The following TMEM108 variants were observed in gnomAD, a reference collection of about 807,000 sequenced individuals.
TMEM108 encodes the protein cancer/testis antigen 124.
A neutral mutation model predicts 35.1 loss-of-function variants in TMEM108; 12 were observed. The observed-to-expected ratio is 0.34, with a 90% CI of 0.22 to 0.55. The LOEUF (loss-of-function observed/expected upper bound fraction) is 0.55. TMEM108 is among the 20% of genes least tolerant of loss of function. TMEM108 has a pLI of 0.89. For synonymous variants in TMEM108, 287 were observed against 308.6 expected (o/e 0.93, Z 0.73); for missense variants, 680 against 753.3 (o/e 0.90, Z 1.14).
intron 2 of TMEM108, among the ~76,000 whole-genome samples, chr3:133,102,469 T>C (rs1459791578): frequency 6.6e-6 from 1 of 152,214 alleles, no homozygotes; most frequent in Admixed American, 6.5e-5. Flanking sequence ...AGCTAGCTGC[T>C]GCTCCTGTGT....
Position 133,371,314 on chromosome 3 carries a change from C to T in TMEM108, c.41-8438C>T, listed in dbSNP as rs1390724462. Reference sequence around the variant, plus strand: ...CACTTGTCTCTGCTCTCCCCAGACTCAGCTGCATGGGCTGAGTCTAAGTCA... The same window carrying T: ...CACTTGTCTCTGCTCTCCCCAGACTTAGCTGCATGGGCTGAGTCTAAGTCA... On this transcript the variant is annotated intron_variant, in intron 3 of 5. Coordinates refer to ENST00000321871, the MANE Select transcript of TMEM108 (RefSeq NM_023943.4). Among the ~76,000 whole-genome samples, 4 of 152,174 alleles carry T rather than the reference C, an allele frequency of 2.6e-5. No homozygotes were observed. In the South Asian group the frequency reaches 8.3e-4, roughly 31 times the overall value.
At chr3:133,301,031 C>G (rs1947218217) in intron 3 of TMEM108, among the ~76,000 whole-genome samples, 2 of 79,044 alleles carry the variant, frequency 2.5e-5, no homozygotes, top group South Asian at 8.5e-4. Flanking sequence ...CACACACACA[C>G]ACACAAGTTC....
intron 3 of TMEM108, among the ~76,000 whole-genome samples, chr3:133,239,148 C>T (rs1946278731): frequency 6.6e-6 from 1 of 152,162 alleles, no homozygotes; most frequent in African/African-American, 2.4e-5. Flanking sequence ...GTGTCCCCCA[C>T]CCCTTACAAA....
At chr3:133,204,792 A>G (rs896316027) in intron 2 of TMEM108, among the ~76,000 whole-genome samples, 1 of 152,162 alleles carries the variant, frequency 6.6e-6, no homozygotes, top group Non-Finnish European at 1.5e-5. Context: ...TTTGGGGTGG[A>G]GAGTTCTGTA....
chr3:133,043,932 G>A (rs1447070766), intron 1 of TMEM108, among the ~76,000 whole-genome samples: 2 of 152,078 alleles, frequency 1.3e-5, no homozygotes, highest in East Asian at 1.9e-4. Context: ...TGTATGTATT[G>A]GAAATAAAAA....
chr3:133,178,632 T>G (rs985398033), intron 2 of TMEM108, among the ~76,000 whole-genome samples: 5 of 152,200 alleles, frequency 3.3e-5, no homozygotes, highest in African/African-American at 1.2e-4. Context: ...CTGGATCCCT[T>G]CCTTACACCT....
chr3:133,129,097 C>G (rs946077729), intron 2 of TMEM108, among the ~76,000 whole-genome samples: 3 of 152,144 alleles, frequency 2.0e-5, no homozygotes, highest in Non-Finnish European at 4.4e-5. Flanking sequence ...GTAATTCCAG[C>G]ACTTTGGGAG....
At chr3:133,175,867 A>G (rs1945215835) in intron 2 of TMEM108, among the ~76,000 whole-genome samples, 3 of 152,244 alleles carry the variant, frequency 2.0e-5, no homozygotes, top group South Asian at 4.1e-4. Context: ...ATTAAAAGAC[A>G]CAGACTGGCA....
chr3:133,358,838 A>T (rs1422021172), intron 3 of TMEM108, among the ~76,000 whole-genome samples: 1 of 152,056 alleles, frequency 6.6e-6, no homozygotes, highest in Non-Finnish European at 1.5e-5. Flanking sequence ...GTGGCAGATT[A>T]GTTGGGGTGG....
chr3:133,271,335 C>T (rs778124363), intron 3 of TMEM108, among the ~76,000 whole-genome samples: 26 of 152,178 alleles, frequency 1.7e-4, no homozygotes, highest in Non-Finnish European at 3.5e-4. Flanking sequence ...GAAACAACCA[C>T]AACACATTTG....
intron 2 of TMEM108, among the ~76,000 whole-genome samples, chr3:133,183,573 G>A (rs1395368833): frequency 6.6e-6 from 1 of 152,178 alleles, no homozygotes; most frequent in Non-Finnish European, 1.5e-5. Flanking sequence ...GAAAGAGAAT[G>A]AAAAGGGGGT....
At position 133,381,131 on chromosome 3, in the gene TMEM108, C is replaced by G. The variant is rs1163364301; in HGVS notation, c.1420C>G (p.Leu474Val). The G allele has an allele frequency of 6.2e-7, 1 of 1,608,138 alleles. No individual in the cohort carries two copies. Among genetic ancestry groups the G allele is most frequent in the Admixed American group, 1.7e-5 (1 of 59,848 alleles). Residue 474 changes from leucine (L) to valine (V), a missense_variant, in exon 4 of 6, where the codon CTG becomes GTG. Physicochemically the swap from Leu to Val is conservative, Grantham distance 32. Around this residue, in one of 3 missense-constraint regions of TMEM108, gnomAD observed 105 missense variants for 150.7 expected, o/e 0.70. Coordinates refer to ENST00000321871, the MANE Select transcript of TMEM108 (RefSeq NM_023943.4). ...LSKMDIAWVI[L>V]AISVPISSCS... ...CAAGATGGATATCGCCTGGGTGATC[C>G]TGGCCATCAGCGTGCCCATCTCCTC...
intron 2 of TMEM108, among the ~76,000 whole-genome samples, chr3:133,141,066 G>T (rs1444307050): frequency 6.6e-6 from 1 of 152,134 alleles, no homozygotes; most frequent in Non-Finnish European, 1.5e-5. Context: ...CATATCTTTT[G>T]TGAATCTAAA....
intron 3 of TMEM108, among the ~76,000 whole-genome samples, chr3:133,354,883 TAA>T (rs3055470): frequency 7.3e-5 from 11 of 149,768 alleles, no homozygotes; most frequent in South Asian, 2.1e-4. Context: ...AGCACATGTT[TAA>T]AAAAAAAAAA....
chr3:133,158,191 T>C (rs1328143095), intron 2 of TMEM108, among the ~76,000 whole-genome samples: 1 of 152,114 alleles, frequency 6.6e-6, no homozygotes, highest in Non-Finnish European at 1.5e-5. Flanking sequence ...TTAGATGGGC[T>C]AGGTGTGGTG....
intron 3 of TMEM108, among the ~76,000 whole-genome samples, chr3:133,229,757 G>A (rs1277380723): frequency 1.3e-5 from 2 of 152,186 alleles, no homozygotes; most frequent in Non-Finnish European, 2.9e-5. Context: ...GGAAATGGTA[G>A]GTTGTATTTT....
rs771398230 is a variant in TMEM108, at chr3:133,380,417, A to C, written c.706A>C (p.Thr236Pro). 3 of 1,612,128 alleles carry C rather than the reference A, an allele frequency of 1.9e-6. No homozygotes were observed. Among genetic ancestry groups the C allele is most frequent in the Non-Finnish European group, 2.5e-6 (3 of 1,179,344 alleles). ...GSVEPEPSTL[T>P]PRTPLWGYSS... is the part of the protein sequence containing the mutation. ...TGTGGAACCGGAGCCCTCTACCCTC[A>C]CCCCCAGGACCCCACTCTGGGGCTA... The change falls in exon 4 of 6, where the codon ACC becomes CCC. Residue 236 changes from threonine to proline, a missense_variant. Physicochemically the swap from Thr to Pro is conservative, Grantham distance 38 (BLOSUM62 -1). Around this residue, in one of 3 missense-constraint regions of TMEM108, gnomAD observed 526 missense variants for 532.1 expected, o/e 0.99. Coordinates refer to ENST00000321871, the MANE Select transcript of TMEM108 (RefSeq NM_023943.4). This position sits in a 1 kb window ranked among gnomAD's most constrained non-coding sequence, Gnocchi z 5.3.
chr3:133,137,532 G>C lies in TMEM108; in HGVS notation c.-47+91512G>C, dbSNP rs546093169. On this transcript the variant is annotated intron_variant, in intron 2 of 5. Coordinates refer to ENST00000321871, the MANE Select transcript of TMEM108 (RefSeq NM_023943.4). The stretch of plus-strand genomic sequence containing the variant: ...AAACATCTGAAGGGGCTCACTCCAC[G>C]GTGCAGCAGCCAGCCCTACTTCATT... Among the ~76,000 whole-genome samples, 3 of 152,120 alleles carry C rather than the reference G, an allele frequency of 2.0e-5. No homozygotes were observed. In the East Asian group the frequency reaches 5.8e-4, roughly 29 times the overall value.
intron 3 of TMEM108, chr3:133,246,363 G>C (rs191536678): frequency 6.6e-6 from 1 of 152,072 alleles, no homozygotes; most frequent in Non-Finnish European, 1.5e-5. Context: ...CTTATGCCAG[G>C]AATACATGAC....
Sources: allele counts gnomAD v4.1 joint callset (sites outside exome capture counted in the v4.1 genomes callset), GRCh38; gene constraint gnomAD v4.1.1; regional missense constraint gnomAD v4.1.1; non-coding constraint Gnocchi (gnomAD v3.1); transcripts MANE v1.5; gene names NCBI Gene and HGNC (gene_info 2026-07-23, HGNC 2026-07-21).